Variants in CHD3 observed in about 807,000 individuals in gnomAD.
The protein encoded by CHD3 is chromodomain helicase DNA binding protein 3.
CHD3 carries 52 observed loss-of-function variants against 248.9 expected under a neutral mutation model. That is an observed-to-expected ratio of 0.21 (90% CI 0.17 to 0.26). CHD3 has a LOEUF of 0.26. Among genes scored for constraint, CHD3 ranks in the 10% least tolerant of loss-of-function variants. The pLI, the probability that CHD3 is intolerant of heterozygous loss-of-function variation, is 1.00. For missense variants in CHD3, 1,482 were observed against 2,605.8 expected (o/e 0.57, Z 9.39); for synonymous variants, 985 against 985.2 (o/e 1.00, Z 0.00).
In CHD3 at chr17:7,895,340, G is replaced by A; in HGVS notation, c.1505G>A (p.Cys502Tyr). 1 of 1,614,036 alleles carries A rather than the reference G, an allele frequency of 6.2e-7. No individual in the cohort carries two copies. Among genetic ancestry groups the A allele is most frequent in the Non-Finnish European group, 8.5e-7 (1 of 1,180,000 alleles). The change falls in exon 10 of 40, where the codon TGC (cysteine) becomes TAC (tyrosine). Residue 502 changes from cysteine to tyrosine, a missense_variant and splice_region_variant. Transcript: ENST00000330494. The surrounding 1 kb of genome is among the most constrained non-coding windows in gnomAD (Gnocchi z 4.9). Reference protein sequence around the residue: ...NGEWLCPRCTCPVLKGRVQKI... With the variant: ...NGEWLCPRCTYPVLKGRVQKI... ...TCCTTGTACGTGTCCATCCCAAAGT[G>A]CCCCGTGCTGAAGGGTCGAGTGCAG... is the stretch of plus-strand genomic sequence containing the variant.
chr17:7,901,454 C>G (rs936615963), intron 20 of CHD3, 79 bp downstream of exon 20: 81 of 1,236,154 alleles, frequency 6.6e-5, no homozygotes, highest in East Asian at 2.4e-4. Context: ...TTCTTACGGT[C>G]TTCCTGTGGC....
At position 7,907,523 on chromosome 17, in the gene CHD3, G is replaced by C; in HGVS notation, c.4924+35G>C. 4.5e-6 allele frequency: 7 copies of C among 1,538,524 alleles called. No homozygotes were observed. Among genetic ancestry groups the C allele is most frequent in the Non-Finnish European group, 6.1e-6 (7 of 1,143,554 alleles). ...TGGCCTTAGGAGTGATGGGGGATTA[G>C]AATTTGGGATTTCCCTCTTCTGGGG... is the stretch of plus-strand genomic sequence containing the variant. On this transcript the variant is annotated intron_variant, in intron 32 of 39. Transcript: ENST00000330494. This position sits in a 1 kb window ranked among gnomAD's most constrained non-coding sequence, Gnocchi z 4.3.
chr17:7,908,575 A>G lies in CHD3; in HGVS notation c.5261+65A>G, dbSNP rs1971275918. On this transcript the variant is annotated intron_variant, in intron 35 of 39. Transcript: ENST00000330494. The surrounding 1 kb of genome is among the most constrained non-coding windows in gnomAD (Gnocchi z 5.8). ...CAAGCTGGCAAAAAAAAAAAAGATG[A>G]TTTCACACCCAGGGACAGGGCTAGT... 1.3e-6 allele frequency: 2 copies of G among 1,582,326 alleles called. No homozygotes were observed. The highest frequency in any genetic ancestry group is 1.4e-5 in the African/African-American group (1 of 73,716).
At chr17:7,887,225 T>A (rs1968102737), upstream of CHD3, among the ~76,000 whole-genome samples, 1 of 152,174 alleles carries the variant, frequency 6.6e-6, no homozygotes, top group African/African-American at 2.4e-5. Flanking sequence ...CAGGAGAGAT[T>A]TCCATTGTTT....
In CHD3 at chr17:7,897,524, G is replaced by A. The variant is rs1597956987; in HGVS notation, c.1919+230G>A. Among the ~76,000 whole-genome samples, 1 of 152,214 alleles carries A rather than the reference G, an allele frequency of 6.6e-6. No homozygotes were observed. Among genetic ancestry groups the A allele is most frequent in the South Asian group, 2.1e-4 (1 of 4,832 alleles). The stretch of plus-strand genomic sequence containing the variant: ...TGTCCTTTGCCTCCTGTCATCTCCA[G>A]TGGCATAAGACATAGCACATGAGTC... On this transcript the variant is annotated intron_variant, in intron 11 of 39. Coordinates refer to ENST00000330494, the MANE Select transcript of CHD3 (RefSeq NM_001005273.3). The surrounding 1 kb of genome is among the most constrained non-coding windows in gnomAD (Gnocchi z 4.8).
At chr17:7,894,049 A>T (rs1969299832) in intron 6 of CHD3, 66 bp from the exon 7 acceptor site, 2 of 1,591,584 alleles carry the variant, frequency 1.3e-6, no homozygotes, top group East Asian at 4.5e-5. Flanking sequence ...CGGAACAGGA[A>T]GCCAAAGGCC....
At chr17:7,896,944 C>A in intron 10 of CHD3, 139 bp from the exon 11 acceptor site, 2 of 689,122 alleles carry the variant, frequency 2.9e-6, no homozygotes, top group Non-Finnish European at 5.0e-6. Context: ...CAGGCATGAG[C>A]CACCGTGCCT....
chr17:7,909,332 C>T lies in CHD3; in HGVS notation c.5584C>T (p.His1862Tyr). The T allele has an allele frequency of 6.4e-7, 1 of 1,554,464 alleles. No homozygotes were observed. Among genetic ancestry groups the T allele is most frequent in the Non-Finnish European group, 8.7e-7 (1 of 1,150,256 alleles). Residue 1862 changes from histidine (H) to tyrosine (Y), a missense_variant, in exon 37 of 40, where the codon CAC becomes TAC. This residue lies in a region of CHD3 where 83 missense variants were observed against 181.0 expected (regional missense o/e 0.46). Coordinates refer to ENST00000330494, the MANE Select transcript of CHD3 (RefSeq NM_001005273.3). This position sits in a 1 kb window ranked among gnomAD's most constrained non-coding sequence, Gnocchi z 8.1. Reference sequence around the variant, plus strand: ...GAACAAGCCGGCCAACGCCGTCCTGCACAAGGGTAAGGGCCGCGGCGGCCC... The same window carrying T: ...GAACAAGCCGGCCAACGCCGTCCTGTACAAGGGTAAGGGCCGCGGCGGCCC... ...AGNKPANAVLHKVLNQLEELL... is the reference protein window; with the variant it reads ...AGNKPANAVLYKVLNQLEELL...
chr17:7,900,757 A>G lies in CHD3; in HGVS notation c.2978+26A>G, dbSNP rs1437551844. On this transcript the variant is annotated intron_variant, in intron 18 of 39. Transcript: ENST00000330494. The surrounding 1 kb of genome is among the most constrained non-coding windows in gnomAD (Gnocchi z 6.5). ...GTAAGATGCAAGACGAGCTGCCTGG[A>G]GTAGGGCTTGGGGATTGATGGGAGC... is the stretch of plus-strand genomic sequence containing the variant. 2 of 1,610,270 alleles carry G rather than the reference A, an allele frequency of 1.2e-6. No homozygotes were observed. The highest frequency in any genetic ancestry group is 2.2e-5 in the South Asian group (2 of 91,034).
chr17:7,911,539 A>G lies in CHD3; in HGVS notation c.5957A>G (p.Asp1986Gly), dbSNP rs1971668049. 1.2e-6 allele frequency: 2 copies of G among 1,614,114 alleles called. No homozygotes were observed. The highest frequency in any genetic ancestry group is 1.7e-6 in the Non-Finnish European group (2 of 1,180,046). The change falls in exon 40 of 40, where the codon GAT becomes GGT. Residue 1986 changes from aspartate (D) to glycine (G), a missense_variant. By Grantham distance (94) the Asp-to-Gly change is moderately conservative (BLOSUM62 -1). Coordinates refer to ENST00000330494, the MANE Select transcript of CHD3 (RefSeq NM_001005273.3). This position sits in a 1 kb window ranked among gnomAD's most constrained non-coding sequence, Gnocchi z 5.4. ...MVGALVSDGL[D>G]RKEPRAGEVI... is the part of the protein sequence containing the mutation. ...GGGGCATTGGTGTCAGACGGGCTGG[A>G]TCGGAAGGAGCCCCGAGCCGGGGAG...
At position 7,898,518 on chromosome 17, in the gene CHD3, C is replaced by T; in HGVS notation, c.2074C>T (p.Pro692Ser). 6 of 1,613,918 alleles carry T rather than the reference C, an allele frequency of 3.7e-6. No homozygotes were observed. Among genetic ancestry groups the T allele is most frequent in the South Asian group, 1.1e-5 (1 of 91,074 alleles). Residue 692 changes from proline (P) to serine (S), a missense_variant, in exon 13 of 40, where the codon CCT becomes TCT. By Grantham distance (74) the Pro-to-Ser change is moderately conservative (BLOSUM62 -1). Coordinates refer to ENST00000330494, the MANE Select transcript of CHD3 (RefSeq NM_001005273.3). The part of the protein sequence containing the change: ...RHRELIMGED[P>S]AQPRKYKKKK... The stretch of plus-strand genomic sequence containing the variant: ...CAGAGAACTAATTATGGGGGAAGAC[C>T]CTGCCCAGCCCCGCAAGTATAAGAA...
In CHD3 at chr17:7,897,385, A is replaced by C. The variant is rs1231194692; in HGVS notation, c.1919+91A>C. On this transcript the variant is annotated intron_variant, in intron 11 of 39. Transcript: ENST00000330494. This position sits in a 1 kb window ranked among gnomAD's most constrained non-coding sequence, Gnocchi z 4.8. ...CCATGTTAGTATTTGCTGATTAACC[A>C]GGTAATTGATCTAACCTTGATAACC... The C allele has an allele frequency of 1.1e-5, 13 of 1,146,218 alleles. No individual in the cohort carries two copies. The highest frequency in any genetic ancestry group is 1.7e-5 in the Non-Finnish European group (13 of 783,404). 71.0% of individuals were successfully genotyped at this position (1,146,218 alleles called of 1,614,324 possible).
At chr17:7,885,713 A>G (rs1286831583), upstream of CHD3, among the ~76,000 whole-genome samples, 6 of 150,976 alleles carry the variant, frequency 4.0e-5, no homozygotes, top group Non-Finnish European at 7.4e-5. Flanking sequence ...TGTCCATCGG[A>G]CCCCCCTCCA....
rs768307299 is a variant in CHD3, at chr17:7,894,438, G to A, written c.1099G>A (p.Gly367Arg). 98 of 1,613,572 alleles carry A rather than the reference G, an allele frequency of 6.1e-5. No individual in the cohort carries two copies. Among genetic ancestry groups the A allele is most frequent in the South Asian group, 4.6e-4 (42 of 91,044 alleles). ...AGTCCTGGGCTGTCCTGCAGTGGCC[G>A]GGGAGGAGGAGGTTGATGGCTACGA... ...KKVLGCPAVA[G>R]EEEVDGYETD... The change falls in exon 8 of 40, where the codon GGG becomes AGG. Residue 367 changes from glycine (G) to arginine (R), a missense_variant. By Grantham distance (125) the Gly-to-Arg change is moderately radical. Around this residue, in one of 20 missense-constraint regions of CHD3, gnomAD observed 138 missense variants for 241.1 expected, o/e 0.57. Coordinates refer to ENST00000330494, the MANE Select transcript of CHD3 (RefSeq NM_001005273.3).
Position 7,907,332 on chromosome 17 carries a change from G to A in CHD3, c.4789-21G>A, listed in dbSNP as rs1567870160. Reference sequence around the variant, plus strand: ...ACCTGGGAGCCCTCTGGCTCATCCTGACCCCATTGTCCTCTTCCAGGCTGA... The same window carrying A: ...ACCTGGGAGCCCTCTGGCTCATCCTAACCCCATTGTCCTCTTCCAGGCTGA... On this transcript the variant is annotated intron_variant, in intron 31 of 39. Transcript: ENST00000330494. The surrounding 1 kb of genome is among the most constrained non-coding windows in gnomAD (Gnocchi z 4.3). 1 of 1,609,934 alleles carries A rather than the reference G, an allele frequency of 6.2e-7. No individual in the cohort carries two copies. Among genetic ancestry groups the A allele is most frequent in the South Asian group, 1.1e-5 (1 of 90,368 alleles).
At chr17:7,892,897 A>G (rs1490720027) in intron 4 of CHD3, among the ~76,000 whole-genome samples, 1 of 151,788 alleles carries the variant, frequency 6.6e-6, no homozygotes, top group African/African-American at 2.4e-5. Context: ...GGCTCAAGCC[A>G]CCCTCCTGCC....
chr17:7,884,922 CCGACGAGGACGATGAGGAGGACGA>C, upstream of CHD3: 6 of 1,414,042 alleles, frequency 4.2e-6, no homozygotes, highest in Non-Finnish European at 5.6e-6. Flanking sequence ...GTGGAGGCGG[CCGACGAGGACGATGAGGAGGACGA>C]CGACGAGGGA....
Position 7,906,181 on chromosome 17 carries a change from A to C in CHD3, c.4358+192A>C. ...TCCACCTCCCCTCAGCCGAGCCTAG[A>C]GTAGAGGGGCCAGGCATCCTCCCCA... On this transcript the variant is annotated intron_variant, in intron 28 of 39. Transcript: ENST00000330494. This position sits in a 1 kb window ranked among gnomAD's most constrained non-coding sequence, Gnocchi z 5.0. The C allele has an allele frequency of 1.1e-6, 1 of 911,158 alleles. No homozygotes were observed. The highest frequency in any genetic ancestry group is 1.8e-6 in the Non-Finnish European group (1 of 552,954). The allele number at this position is 911,158 out of a possible 1,614,324, so 56.4% of individuals were successfully genotyped here.
upstream of CHD3, chr17:7,885,106 C>G: frequency 3.1e-6 from 3 of 983,010 alleles, no homozygotes; most frequent in Non-Finnish European, 3.6e-6. Flanking sequence ...CCCGACTCCC[C>G]CCCCAAGCCC....
Sources: gnomAD v4.1 joint callset for allele counts (sites outside exome capture counted in the v4.1 genomes callset) on GRCh38, gnomAD v4.1.1 for gene constraint, gnomAD v4.1.1 regional missense constraint, Gnocchi (gnomAD v3.1) non-coding constraint, MANE v1.5 for transcripts, NCBI Gene and HGNC (gene_info 2026-07-23, HGNC 2026-07-21) for gene names.